Variants in UGT2B17 observed in about 807,000 individuals in gnomAD.
UGT2B17 encodes UDP glucuronosyltransferase family 2 member B17.
UGT2B17 carries 21 observed loss-of-function variants against 48.2 expected under a neutral mutation model. The ratio of observed to expected loss-of-function variants is 0.44; its 90% CI spans 0.31 to 0.63. UGT2B17 has a LOEUF of 0.63. Ranked by LOEUF, UGT2B17 falls within the 20% of genes least tolerant of loss-of-function variation. The probability of loss-of-function intolerance (pLI) is 0.08; values close to 1 mark genes in which losing one functional copy is unlikely to be tolerated. For synonymous variants in UGT2B17, 146 were observed against 238.4 expected, an observed-to-expected ratio of 0.61 and a Z score of 3.57; for missense variants, 402 against 696.1, an observed-to-expected ratio of 0.58 and a Z score of 4.75.
rs1366181355 is a variant in UGT2B17, at chr4:68,564,294, A to ATATATATATATTTT, written c.873+1277_873+1278insAAAATATATATATA. ...ATTTCATATATATATATATATATAT[A>ATATATATATATTTT]TTTTTTTTTTTTGAGACAGAGTCTC... On this transcript the variant is annotated intron_variant, in intron 3 of 6. Transcript: ENST00000317746. Among the ~76,000 whole-genome samples the ATATATATATATTTT allele has an allele frequency of 3.4e-4, 26 of 75,754 alleles. 1 individual carries two copies. The highest frequency in any genetic ancestry group is 9.4e-4 in the Admixed American group (6 of 6,384). The allele number at this position is 75,754 out of a possible 152,430, so 49.7% of individuals were successfully genotyped here. A position where few individuals can be genotyped will look rare whatever the true frequency, so the allele number is the denominator to read the frequency against.
Position 68,548,815 on chromosome 4 carries a change from T to C in UGT2B17, c.1313+1862A>G. Reference sequence around the variant, plus strand: ...TTTGGCTCTGCTTGTGTATTGTTGGTGTATAGGAATACTTGTAATTTTTGC... The same window carrying C: ...TTTGGCTCTGCTTGTGTATTGTTGGCGTATAGGAATACTTGTAATTTTTGC... On this transcript the variant is annotated intron_variant, in intron 6 of 6. Transcript: ENST00000317746. Among the ~76,000 whole-genome samples the C allele has an allele frequency of 1.6e-5, 2 of 124,822 alleles. 1 individual carries two copies. The highest frequency in any genetic ancestry group is 3.4e-5 in the Non-Finnish European group (2 of 59,240). The allele number at this position is 124,822 out of a possible 152,430, so 81.9% of individuals were successfully genotyped here. A position where few individuals can be genotyped will look rare whatever the true frequency, so the allele number is the denominator to read the frequency against.
intron 6 of UGT2B17, among the ~76,000 whole-genome samples, chr4:68,542,166 G>T (rs1257059657): frequency 7.9e-6 from 1 of 126,594 alleles, no homozygotes; most frequent in Non-Finnish European, 1.7e-5. Flanking sequence ...GTTTGTCAAA[G>T]ATCAGATGGT....
intron 4 of UGT2B17, among the ~76,000 whole-genome samples, chr4:68,552,745 G>A (rs2109767018): frequency 7.9e-6 from 1 of 125,936 alleles, no homozygotes; most frequent in African/African-American, 2.7e-5. Context: ...ACAATTGGCT[G>A]AGGTCTGGGA....
intron 3 of UGT2B17, among the ~76,000 whole-genome samples, chr4:68,563,301 C>T (rs1731136233): frequency 7.9e-6 from 1 of 126,966 alleles, no homozygotes; most frequent in Non-Finnish European, 1.7e-5. Context: ...TCAAGTCTAC[C>T]TTTTGCAGGT....
Position 68,548,709 on chromosome 4 carries a change from G to C in UGT2B17, c.1313+1968C>G, listed in dbSNP as rs559533185. On this transcript the variant is annotated intron_variant, in intron 6 of 6. Transcript: ENST00000317746. ...AGGGTTTTCTATTTCTCCTTGAAGA[G>C]GTCCTTCACGTACCTTGTTAGGCAT... 1.6e-5 allele frequency among the ~76,000 whole-genome samples: 2 copies of C among 125,098 alleles called. 1 individual carries two copies. Among genetic ancestry groups the C allele is most frequent in the African/African-American group, 5.5e-5 (2 of 36,672 alleles). The allele number at this position is 125,098 out of a possible 152,430, so 82.1% of individuals were successfully genotyped here.
rs1186356994 is a variant in UGT2B17, at chr4:68,559,899, C to A, written c.1005+638G>T. ...TTTTCTGCTTAAGACATTAGCGGCA[C>A]CCAAGCCAGCAGAGCAGACAAGTTT... On this transcript the variant is annotated intron_variant, in intron 4 of 6. Transcript: ENST00000317746. 4.8e-5 allele frequency among the ~76,000 whole-genome samples: 6 copies of A among 124,774 alleles called. 2 individuals carry two copies. Among genetic ancestry groups the A allele is most frequent in the Admixed American group, 8.2e-5 (1 of 12,178 alleles). The allele number at this position is 124,774 out of a possible 152,430, so 81.9% of individuals were successfully genotyped here.
At chr4:68,565,751 G>T in intron 2 of UGT2B17, 31 bp from the exon 3 acceptor site, 1 of 1,318,130 alleles carries the variant, frequency 7.6e-7, no homozygotes, top group Non-Finnish European at 9.8e-7. Context: ...AAAACAAAAG[G>T]TAGCTAACAC....
intron 1 of UGT2B17, among the ~76,000 whole-genome samples, chr4:68,575,184 T>C (rs1731353177): frequency 1.7e-5 from 2 of 114,336 alleles, no homozygotes; most frequent in African/African-American, 6.2e-5. Flanking sequence ...TTGGTATAGA[T>C]GGCCTTTTTT....
rs1731181263 is a variant in UGT2B17 at position 68,565,511 on chromosome 4, A to G, written c.873+61T>C. The G allele has an allele frequency of 5.6e-6, 7 of 1,254,688 alleles. 1 individual carries two copies. The highest frequency in any genetic ancestry group is 7.2e-6 in the Non-Finnish European group (7 of 972,330). 77.7% of individuals were successfully genotyped at this position (1,254,688 alleles called of 1,614,324 possible). On this transcript the variant is annotated intron_variant, in intron 3 of 6. Coordinates refer to ENST00000317746, the MANE Select transcript of UGT2B17 (RefSeq NM_001077.4). The stretch of plus-strand genomic sequence containing the variant: ...CTCTGAGTTAAACACTCTGAAAGAA[A>G]CATATCCAGCCATTCCTTCTGAAAA...
At chr4:68,567,722 A>G in intron 2 of UGT2B17, 39 bp downstream of exon 2, 1 of 1,249,418 alleles carries the variant, frequency 8.0e-7, no homozygotes, top group Non-Finnish European at 1.0e-6. Context: ...GCACAGGAAA[A>G]TTAGAACTTA....
In UGT2B17 at chr4:68,551,255, T is replaced by G. The variant is rs1202215829; in HGVS notation, c.1094-359A>C. Among the ~76,000 whole-genome samples the G allele has an allele frequency of 1.6e-5, 2 of 126,078 alleles. 1 individual carries two copies. The highest frequency in any genetic ancestry group is 3.4e-5 in the Non-Finnish European group (2 of 59,528). The allele number at this position is 126,078 out of a possible 152,430, so 82.7% of individuals were successfully genotyped here. A position where few individuals can be genotyped will look rare whatever the true frequency, so the allele number is the denominator to read the frequency against. On this transcript the variant is annotated intron_variant, in intron 5 of 6. Coordinates refer to ENST00000317746, the MANE Select transcript of UGT2B17 (RefSeq NM_001077.4). ...ACATAGTCTCTTAAGTAGTATAAAT[T>G]ATGCAGTCACATTTATATATTTAAA... is the stretch of plus-strand genomic sequence containing the variant.
At chr4:68,544,464 C>T (rs1730753613) in intron 6 of UGT2B17, among the ~76,000 whole-genome samples, 1 of 126,158 alleles carries the variant, frequency 7.9e-6, no homozygotes, top group African/African-American at 2.7e-5. Flanking sequence ...TGGAAAGGAA[C>T]AACTGGTACC....
chr4:68,568,694 G>T lies in UGT2B17; in HGVS notation c.-64-146C>A, dbSNP rs1287589557. Among the ~76,000 whole-genome samples, 2 of 126,822 alleles carry T rather than the reference G, an allele frequency of 1.6e-5. 1 individual carries two copies. The highest frequency in any genetic ancestry group is 3.3e-5 in the Non-Finnish European group (2 of 59,704). 83.2% of individuals were successfully genotyped at this position (126,822 alleles called of 152,430 possible). A position where few individuals can be genotyped will look rare whatever the true frequency, so the allele number is the denominator to read the frequency against. ...ATGACCTAGAATACGTAAGTAACCT[G>T]TCTTATGTAATTATTTTATAATACT... On this transcript the variant is annotated intron_variant, in intron 1 of 6. Transcript: ENST00000317746.
Position 68,547,620 on chromosome 4 carries a change from C to A in UGT2B17, c.1313+3057G>T, listed in dbSNP as rs192182239. Among the ~76,000 whole-genome samples, 745 of 125,864 alleles carry A rather than the reference C, an allele frequency of 5.9e-3. 179 individuals are homozygous for A. Among genetic ancestry groups the A allele is most frequent in the Non-Finnish European group, 8.7e-3 (515 of 59,378 alleles). 82.6% of individuals were successfully genotyped at this position (125,864 alleles called of 152,430 possible). ...AGCTTCTGCACAGCAAAGGAAACTA[C>A]CATCAGATTGAACAGGCAACCTACA... On this transcript the variant is annotated intron_variant, in intron 6 of 6. Transcript: ENST00000317746.
Position 68,565,581 on chromosome 4 carries a change from G to A in UGT2B17, c.864C>T (p.Pro288=), listed in dbSNP as rs1409592667. The part of the protein sequence containing the change: ...VGGLHCKPAK[P]LPKEMEEFVQ... ...ACAAGAATATGTTCACCTTAGGCAA[G>A]GGTTTGGCTGGTTTACAGTGAAGTC... Residue 288 remains proline, a synonymous_variant, in exon 3 of 7, where the codon CCC becomes CCT. Transcript: ENST00000317746. The A allele has an allele frequency of 5.1e-6, 7 of 1,368,424 alleles. 2 individuals are homozygous for A. Among genetic ancestry groups the A allele is most frequent in the Admixed American group, 4.1e-5 (2 of 48,926 alleles). The allele number at this position is 1,368,424 out of a possible 1,614,324, so 84.8% of individuals were successfully genotyped here. A position where few individuals can be genotyped will look rare whatever the true frequency, so the allele number is the denominator to read the frequency against.
chr4:68,571,949 GA>G (rs1731302303), intron 1 of UGT2B17, among the ~76,000 whole-genome samples: 1 of 124,844 alleles, frequency 8.0e-6, no homozygotes, highest in Admixed American at 8.2e-5. Flanking sequence ...CATGTCTAAT[GA>G]TATATATTTT....
Position 68,557,167 on chromosome 4 carries a change from G to T in UGT2B17, c.1005+3370C>A, listed in dbSNP as rs1236435994. Among the ~76,000 whole-genome samples, 3 of 124,308 alleles carry T rather than the reference G, an allele frequency of 2.4e-5. 1 individual carries two copies. Among genetic ancestry groups the T allele is most frequent in the African/African-American group, 8.2e-5 (3 of 36,464 alleles). 81.6% of individuals were successfully genotyped at this position (124,308 alleles called of 152,430 possible). On this transcript the variant is annotated intron_variant, in intron 4 of 6. Coordinates refer to ENST00000317746, the MANE Select transcript of UGT2B17 (RefSeq NM_001077.4). Reference sequence around the variant, plus strand: ...TACATTATCAGTAATAATTATATTTGTTATGTTAAGTTATTGTGTGCCACA... The same window carrying T: ...TACATTATCAGTAATAATTATATTTTTTATGTTAAGTTATTGTGTGCCACA...
intron 3 of UGT2B17, among the ~76,000 whole-genome samples, chr4:68,563,676 T>G (rs548241834): frequency 1.6e-5 from 2 of 126,516 alleles, no homozygotes; most frequent in South Asian, 3.7e-4. Context: ...CACTTTCTTT[T>G]GATGTGAGTG....
rs1430500146 is a variant in UGT2B17 at position 68,537,534 on chromosome 4, G to A, written c.*91C>T. On this transcript the variant is annotated 3_prime_UTR_variant, in exon 7 of 7. Transcript: ENST00000317746. ...GTTGTGAAAAGACGTTTTGTCGCAG[G>A]AAAAAGGAAATCCTCCATTTAAAAC... 1.9e-5 allele frequency: 21 copies of A among 1,130,212 alleles called. 7 individuals are homozygous for A. Among genetic ancestry groups the A allele is most frequent in the Non-Finnish European group, 2.1e-5 (19 of 883,974 alleles). The allele number at this position is 1,130,212 out of a possible 1,614,324, so 70.0% of individuals were successfully genotyped here. A position where few individuals can be genotyped will look rare whatever the true frequency, so the allele number is the denominator to read the frequency against.
Sources: gnomAD v4.1 joint callset for allele counts (sites outside exome capture counted in the v4.1 genomes callset) on GRCh38, gnomAD v4.1.1 for gene constraint, MANE v1.5 for transcripts, NCBI Gene and HGNC (gene_info 2026-07-23, HGNC 2026-07-21) for gene names.